The following MBOAT2 variants were observed in gnomAD, a reference collection of about 807,000 sequenced individuals.
The protein encoded by MBOAT2 is membrane-bound glycerophospholipid O-acyltransferase 2.
In MBOAT2, 28 loss-of-function variants were observed where a neutral mutation model predicts 63.4. That is an observed-to-expected ratio of 0.44 (90% CI 0.33 to 0.61). MBOAT2 has a LOEUF of 0.61. Among genes scored for constraint, MBOAT2 ranks in the 20% least tolerant of loss-of-function variants. The pLI is 0.03. For synonymous variants in MBOAT2, 211 were observed against 215.6 expected (o/e 0.98, Z 0.19); for missense variants, 470 against 605.8 (o/e 0.78, Z 2.35).
rs190778155 is a variant in MBOAT2, at chr2:8,953,966, C to A, written c.221+4531G>T. On this transcript the variant is annotated intron_variant, in intron 2 of 12. Transcript: ENST00000305997. The stretch of plus-strand genomic sequence containing the variant: ...AGGGTCCATTGCTGGAGATCTAGTG[C>A]AATCATTTGGCAGTGTCACTACATG... Among the ~76,000 whole-genome samples the A allele has an allele frequency of 1.8e-3, 275 of 152,316 alleles. 1 individual carries two copies. The highest frequency in any genetic ancestry group is 6.3e-3 in the African/African-American group (263 of 41,568).
chr2:8,914,107 G>A (rs1370972575), intron 3 of MBOAT2, among the ~76,000 whole-genome samples: 2 of 152,188 alleles, frequency 1.3e-5, no homozygotes, highest in South Asian at 2.1e-4. Flanking sequence ...TGATATGTGG[G>A]AGCTAAGCTA....
At position 8,954,925 on chromosome 2, in the gene MBOAT2, A is replaced by G. The variant is rs1366684238; in HGVS notation, c.221+3572T>C. Among the ~76,000 whole-genome samples, 2 of 152,218 alleles carry G rather than the reference A, an allele frequency of 1.3e-5. 1 individual carries two copies. Among genetic ancestry groups the G allele is most frequent in the East Asian group, 3.9e-4 (2 of 5,194 alleles). On this transcript the variant is annotated intron_variant, in intron 2 of 12. Transcript: ENST00000305997. ...TCAGTAGAGCAGAGTGGGGCACCCA[A>G]CAATGACACAGGTGGATCAGTTCCA...
intron 1 of MBOAT2, 32 bp from the exon 2 acceptor site, chr2:8,958,674 AAC>A: frequency 6.7e-7 from 1 of 1,502,016 alleles, no homozygotes; most frequent in Non-Finnish European, 8.9e-7. Context: ...TTGTATTAGC[AAC>A]ACAGACCTGA....
In MBOAT2 at chr2:8,857,710, C is replaced by G. The variant is rs1469622260; in HGVS notation, c.*969G>C. ...CAACCTACCAGTATTATTTTCAAAG[C>G]CTCTAATTCTACATAATTTATGCCT... On this transcript the variant is annotated 3_prime_UTR_variant, in exon 13 of 13. Coordinates refer to ENST00000305997, the MANE Select transcript of MBOAT2 (RefSeq NM_138799.4). 6.6e-6 allele frequency: 1 copy of G among 152,188 alleles called. No homozygotes were observed. The highest frequency in any genetic ancestry group is 1.5e-5 in the Non-Finnish European group (1 of 68,030). The allele number at this position is 152,188 out of a possible 1,614,324, so 9.4% of individuals were successfully genotyped here.
At chr2:8,921,878 C>G (rs1384199912) in intron 3 of MBOAT2, among the ~76,000 whole-genome samples, 4 of 152,096 alleles carry the variant, frequency 2.6e-5, no homozygotes, top group Non-Finnish European at 5.9e-5. Flanking sequence ...TACTTGAGGT[C>G]TGTTGAGCTT....
At chr2:8,936,786 CAAAAAAAAA>C (rs745694357) in intron 3 of MBOAT2, among the ~76,000 whole-genome samples, 16 of 56,380 alleles carry the variant, frequency 2.8e-4, no homozygotes, top group African/African-American at 8.8e-4. Flanking sequence ...GACTCCGTCT[CAAAAAAAAA>C]AAAAAAAAAA....
intron 2 of MBOAT2, among the ~76,000 whole-genome samples, chr2:8,944,632 G>A (rs957284731): frequency 2.0e-5 from 3 of 148,252 alleles, no homozygotes; most frequent in Non-Finnish European, 4.4e-5. Context: ...GAATAGGTCA[G>A]TCTATCTGTT....
chr2:8,956,772 G>T (rs1478233132), intron 2 of MBOAT2, among the ~76,000 whole-genome samples: 1 of 152,172 alleles, frequency 6.6e-6, no homozygotes, highest in Non-Finnish European at 1.5e-5. Flanking sequence ...CATTAACAAT[G>T]TCGGGTTACT....
intron 1 of MBOAT2, among the ~76,000 whole-genome samples, chr2:8,994,936 T>C (rs1423087738): frequency 6.6e-6 from 1 of 152,246 alleles, no homozygotes; most frequent in Non-Finnish European, 1.5e-5. Flanking sequence ...TAATTGAGTA[T>C]GCAAGTACTT....
chr2:8,895,134 G>A (rs181202615), intron 4 of MBOAT2, among the ~76,000 whole-genome samples: 131 of 152,336 alleles, frequency 8.6e-4, no homozygotes, highest in African/African-American at 1.8e-3. Context: ...CTTCCACAGC[G>A]TGGAAACGGA....
At chr2:8,937,647 C>T (rs1412181007) in intron 3 of MBOAT2, among the ~76,000 whole-genome samples, 2 of 152,056 alleles carry the variant, frequency 1.3e-5, no homozygotes, top group East Asian at 3.9e-4. Context: ...AGGAACACTC[C>T]AGACAGAGGG....
chr2:8,938,415 C>A (rs1262601258), intron 3 of MBOAT2, among the ~76,000 whole-genome samples: 1 of 152,132 alleles, frequency 6.6e-6, no homozygotes, highest in Non-Finnish European at 1.5e-5. Context: ...CACCTCACCA[C>A]CCCCTATAGT....
rs1483517311 is a variant in MBOAT2, at chr2:8,965,421, G to A, written c.76-6779C>T. 3.9e-5 allele frequency among the ~76,000 whole-genome samples: 6 copies of A among 152,172 alleles called. No homozygotes were observed. In the East Asian group the frequency reaches 1.2e-3, roughly 29 times the overall value. ...GGAAACAGCAAGTACAGCAGATGTGGGACCTCAACCTCTGCGATCTCCATC... is the reference window on the plus strand; with the variant it reads ...GGAAACAGCAAGTACAGCAGATGTGAGACCTCAACCTCTGCGATCTCCATC... On this transcript the variant is annotated intron_variant, in intron 1 of 12. Coordinates refer to ENST00000305997, the MANE Select transcript of MBOAT2 (RefSeq NM_138799.4).
At position 8,857,093 on chromosome 2, in the gene MBOAT2, G is replaced by T. The variant is rs1267870580; in HGVS notation, c.*1586C>A. The T allele has an allele frequency of 1.3e-5, 2 of 152,622 alleles. No homozygotes were observed. The highest frequency in any genetic ancestry group is 4.8e-5 in the African/African-American group (2 of 41,512). The allele number at this position is 152,622 out of a possible 1,614,324, so 9.5% of individuals were successfully genotyped here. A position where few individuals can be genotyped will look rare whatever the true frequency, so the allele number is the denominator to read the frequency against. On this transcript the variant is annotated 3_prime_UTR_variant, in exon 13 of 13. Coordinates refer to ENST00000305997, the MANE Select transcript of MBOAT2 (RefSeq NM_138799.4). Reference sequence around the variant, plus strand: ...AGTATTATATAGCATAAGCCAGATGGTTGCCTTGTCTTTAACTTCATTTGC... The same window carrying T: ...AGTATTATATAGCATAAGCCAGATGTTTGCCTTGTCTTTAACTTCATTTGC...
intron 3 of MBOAT2, among the ~76,000 whole-genome samples, chr2:8,935,850 T>C (rs1156606187): frequency 6.6e-6 from 1 of 152,218 alleles, no homozygotes; most frequent in Admixed American, 6.5e-5. Context: ...GGCCACCCAG[T>C]GGGAATCAGA....
At chr2:8,912,290 AAAAGAAAGAAAAGAAAGAAAG>A (rs1558606145) in intron 3 of MBOAT2, among the ~76,000 whole-genome samples, 1 of 125,908 alleles carries the variant, frequency 7.9e-6, no homozygotes, top group African/African-American at 3.1e-5. Flanking sequence ...AGACAGAAGG[AAAAGAAAGAAAAGAAAGAAAG>A]AAAGAAAGAA....
intron 3 of MBOAT2, among the ~76,000 whole-genome samples, chr2:8,913,739 C>T (rs1230982138): frequency 1.3e-5 from 2 of 152,158 alleles, no homozygotes; most frequent in Non-Finnish European, 2.9e-5. Flanking sequence ...TAAACTAGTA[C>T]AGTCACTATG....
intron 4 of MBOAT2, among the ~76,000 whole-genome samples, chr2:8,895,503 TG>T (rs936178686): frequency 5.9e-5 from 9 of 152,206 alleles, no homozygotes; most frequent in Admixed American, 4.6e-4. Flanking sequence ...CACAGAGCGC[TG>T]ATTGGTGCAT....
At chr2:8,929,452 A>G (rs1335032404) in intron 3 of MBOAT2, among the ~76,000 whole-genome samples, 1 of 152,202 alleles carries the variant, frequency 6.6e-6, no homozygotes, top group African/African-American at 2.4e-5. Flanking sequence ...CCTAGGCTCA[A>G]GCAATTCTCC....
Sources: allele counts gnomAD v4.1 joint callset (sites outside exome capture counted in the v4.1 genomes callset), GRCh38; gene constraint gnomAD v4.1.1; transcripts MANE v1.5; gene names NCBI Gene and HGNC (gene_info 2026-07-23, HGNC 2026-07-21).